Variants in MEOX2 observed in about 807,000 individuals in gnomAD.
MEOX2 encodes mesenchyme homeobox 2, also known as homeobox protein MOX-2.
MEOX2 carries 11 observed loss-of-function variants against 27.0 expected under a neutral mutation model. The observed-to-expected ratio is 0.41, with a 90% CI of 0.26 to 0.68. The LOEUF is 0.68. Ranked by LOEUF, MEOX2 falls within the 30% of genes least tolerant of loss-of-function variation. The pLI is 0.33. For synonymous variants in MEOX2, 189 were observed against 155.4 expected (o/e 1.22, Z -1.61); for missense variants, 436 against 385.4 (o/e 1.13, Z -1.10).
At chr7:15,638,619 T>C (rs979799863) in intron 1 of MEOX2, among the ~76,000 whole-genome samples, 3 of 152,028 alleles carry the variant, frequency 2.0e-5, no homozygotes, top group Non-Finnish European at 4.4e-5. Flanking sequence ...GTAGTATTTT[T>C]TACCCTCTCC....
At chr7:15,619,129 C>T (rs1781173945) in intron 2 of MEOX2, among the ~76,000 whole-genome samples, 1 of 151,982 alleles carries the variant, frequency 6.6e-6, no homozygotes, top group Admixed American at 6.6e-5. Flanking sequence ...TGTATGTACT[C>T]TTCTATATAA....
chr7:15,643,780 G>T (rs968295893), intron 1 of MEOX2, among the ~76,000 whole-genome samples: 5 of 152,138 alleles, frequency 3.3e-5, no homozygotes, highest in African/African-American at 1.2e-4. Context: ...AACAATGGGG[G>T]CTCCTCCTGT....
intron 2 of MEOX2, among the ~76,000 whole-genome samples, chr7:15,615,331 T>G: frequency 6.6e-6 from 1 of 151,988 alleles, no homozygotes; most frequent in Admixed American, 6.6e-5. Context: ...GGGCTGGGGT[T>G]TGTTTGATTC....
In MEOX2 at chr7:15,633,752, T is replaced by G. The variant is rs778022922; in HGVS notation, c.518-6834A>C. Among the ~76,000 whole-genome samples, 39 of 151,928 alleles carry G rather than the reference T, an allele frequency of 2.6e-4. 1 individual carries two copies. Among genetic ancestry groups the G allele is most frequent in the Non-Finnish European group, 5.9e-5 (4 of 67,906 alleles). On this transcript the variant is annotated intron_variant, in intron 1 of 2. Transcript: ENST00000262041. ...AAATTATTGAACTTTTCATTTATTT[T>G]CATGTCTGCTTTGCTTCTCTGGACT...
chr7:15,668,335 C>A (rs554771422), intron 1 of MEOX2: 1 of 152,256 alleles, frequency 6.6e-6, no homozygotes, highest in South Asian at 2.1e-4. Context: ...TTCTCAATAA[C>A]ATTTCTTTTC....
chr7:15,628,918 G>T (rs1430020976), intron 1 of MEOX2, among the ~76,000 whole-genome samples: 1 of 152,078 alleles, frequency 6.6e-6, no homozygotes, highest in East Asian at 1.9e-4. Context: ...CTTCTCACAA[G>T]CATCCACGTT....
intron 1 of MEOX2, among the ~76,000 whole-genome samples, chr7:15,675,449 C>T (rs990064971): frequency 5.3e-5 from 8 of 152,124 alleles, no homozygotes; most frequent in African/African-American, 1.9e-4. Context: ...TTAAGTGATG[C>T]TGAAATTTAT....
At chr7:15,675,606 T>G (rs181689947) in intron 1 of MEOX2, among the ~76,000 whole-genome samples, 155 of 152,352 alleles carry the variant, frequency 1.0e-3, no homozygotes, top group African/African-American at 3.5e-3. Context: ...TCTGGGCACA[T>G]TCCCTCATCT....
chr7:15,671,462 A>C (rs192136022), intron 1 of MEOX2, among the ~76,000 whole-genome samples: 2 of 152,344 alleles, frequency 1.3e-5, no homozygotes, highest in East Asian at 3.9e-4. Context: ...ACTCAATTGC[A>C]CAAGTAAACT....
At chr7:15,662,275 T>C (rs1168582769) in intron 1 of MEOX2, among the ~76,000 whole-genome samples, 7 of 152,060 alleles carry the variant, frequency 4.6e-5, no homozygotes, top group African/African-American at 1.4e-4. Context: ...ATTAATGTCA[T>C]ACATAATATA....
Position 15,686,333 on chromosome 7 carries a change from G to T in MEOX2, c.70C>A (p.Gln24Lys). The change falls in exon 1 of 3, where the codon CAA becomes AAA. Residue 24 changes from glutamine to lysine, a missense_variant. Coordinates refer to ENST00000262041, the MANE Select transcript of MEOX2 (RefSeq NM_005924.5). ...ATAQGLHPFS[Q>K]SSLALHGRSD... ...CTTCCATGGAGGGCGAGAGAGGATT[G>T]GGAGAACGGGTGCAAGCCTTGCGCC... 2 of 1,602,756 alleles carry T rather than the reference G, an allele frequency of 1.2e-6. No individual in the cohort carries two copies. The highest frequency in any genetic ancestry group is 1.7e-6 in the Non-Finnish European group (2 of 1,174,240).
intron 1 of MEOX2, among the ~76,000 whole-genome samples, chr7:15,632,288 A>G (rs528523538): frequency 3.3e-5 from 5 of 151,908 alleles, no homozygotes; most frequent in African/African-American, 1.2e-4. Flanking sequence ...ACTCATTTTA[A>G]TTCCTTATTT....
chr7:15,626,947 A>G lies in MEOX2; in HGVS notation c.518-29T>C, dbSNP rs751422050. On this transcript the variant is annotated intron_variant, in intron 1 of 2. Transcript: ENST00000262041. ...AAAAAAAAGGGAGACAGAATTGGTA[A>G]TAACTCATTTATTCAAACACATGCA... is the stretch of plus-strand genomic sequence containing the variant. 5 of 1,599,798 alleles carry G rather than the reference A, an allele frequency of 3.1e-6. No individual in the cohort carries two copies. The South Asian group carries it at 4.4e-5, about 14-fold the overall frequency.
At chr7:15,667,621 C>T (rs1325249282) in intron 1 of MEOX2, among the ~76,000 whole-genome samples, 1 of 151,966 alleles carries the variant, frequency 6.6e-6, no homozygotes, top group Non-Finnish European at 1.5e-5. Flanking sequence ...TGTTGGGGGA[C>T]CTAGGGGAGG....
chr7:15,649,392 A>G (rs991437367), intron 1 of MEOX2, among the ~76,000 whole-genome samples: 1 of 152,074 alleles, frequency 6.6e-6, no homozygotes, highest in South Asian at 2.1e-4. Flanking sequence ...ATCGAAGAAC[A>G]TACTTTGTAC....
chr7:15,627,504 G>T lies in MEOX2; in HGVS notation c.518-586C>A, dbSNP rs551835742. ...TTTATATTATACTTAGTCCAACATG[G>T]AATCTATAAATGAAATTGTGTTCAT... On this transcript the variant is annotated intron_variant, in intron 1 of 2. Coordinates refer to ENST00000262041, the MANE Select transcript of MEOX2 (RefSeq NM_005924.5). Among the ~76,000 whole-genome samples the T allele has an allele frequency of 1.2e-4, 19 of 152,046 alleles. No homozygotes were observed. In the East Asian group the frequency reaches 3.5e-3, roughly 28 times the overall value.
chr7:15,678,117 C>G (rs1263294242), intron 1 of MEOX2, among the ~76,000 whole-genome samples: 1 of 152,134 alleles, frequency 6.6e-6, no homozygotes, highest in African/African-American at 2.4e-5. Context: ...TAATATGTCT[C>G]AATCATTTTT....
chr7:15,644,232 C>T (rs1051425638), intron 1 of MEOX2, among the ~76,000 whole-genome samples: 3 of 152,048 alleles, frequency 2.0e-5, no homozygotes, highest in Non-Finnish European at 4.4e-5. Flanking sequence ...TCTGGGCCTA[C>T]CTAGGTTCAA....
At chr7:15,621,635 C>T (rs964148937) in intron 2 of MEOX2, among the ~76,000 whole-genome samples, 1 of 152,088 alleles carries the variant, frequency 6.6e-6, no homozygotes, top group Non-Finnish European at 1.5e-5. Context: ...ATATATGAGT[C>T]ATCATAAAAT....
Sources: gnomAD v4.1 joint callset for allele counts (sites outside exome capture counted in the v4.1 genomes callset) on GRCh38, gnomAD v4.1.1 for gene constraint, MANE v1.5 for transcripts, NCBI Gene and HGNC (gene_info 2026-07-23, HGNC 2026-07-21) for gene names.